NKAIN2: variants seen among roughly 807,000 people sequenced by gnomAD.
The protein encoded by NKAIN2 is sodium/potassium-transporting ATPase subunit beta-1-interacting protein 2.
In NKAIN2, 14 loss-of-function variants were observed where a neutral mutation model predicts 32.6. That is an observed-to-expected ratio of 0.43 (90% CI 0.28 to 0.67). NKAIN2 has a LOEUF of 0.67. Among genes scored for constraint, NKAIN2 ranks in the 30% least tolerant of loss-of-function variants. The probability of loss-of-function intolerance (pLI) is 0.17; values close to 1 mark genes in which losing one functional copy is unlikely to be tolerated. For synonymous variants in NKAIN2, 80 were observed against 87.2 expected, an observed-to-expected ratio of 0.92 and a Z score of 0.46; for missense variants, 198 against 258.3, an observed-to-expected ratio of 0.77 and a Z score of 1.60.
chr6:124,570,483 G>A (rs1034654302), intron 3 of NKAIN2, among the ~76,000 whole-genome samples: 8 of 152,110 alleles, frequency 5.3e-5, no homozygotes, highest in African/African-American at 1.7e-4. Flanking sequence ...GTGCAGCCCT[G>A]TGTCTCATCT....
intron 6 of NKAIN2, among the ~76,000 whole-genome samples, chr6:124,821,326 A>T (rs1781387576): frequency 6.6e-6 from 1 of 151,930 alleles, no homozygotes; most frequent in Non-Finnish European, 1.5e-5. Context: ...TAAAATATCT[A>T]CAAGGTTTGT....
In NKAIN2 at chr6:124,718,544, T is replaced by C. The variant is rs73770547; in HGVS notation, c.474+60158T>C. On this transcript the variant is annotated intron_variant, in intron 4 of 6. Transcript: ENST00000368417. ...GGAACAATGTGACTATGAACATTTG[T>C]GTACAACTTTTTGTTCATTGTCTTT... Among the ~76,000 whole-genome samples the C allele has an allele frequency of 8.6e-3, 1,314 of 152,318 alleles. 17 individuals are homozygous for C. Among genetic ancestry groups the C allele is most frequent in the African/African-American group, 0.03 (1,254 of 41,570 alleles).
intron 1 of NKAIN2, among the ~76,000 whole-genome samples, chr6:123,963,686 G>A (rs1777951187): frequency 6.6e-6 from 1 of 152,158 alleles, no homozygotes; most frequent in African/African-American, 2.4e-5. Context: ...AAAGAAAGCA[G>A]ATATTCAAGG....
chr6:123,991,529 G>A (rs978898182), intron 1 of NKAIN2, among the ~76,000 whole-genome samples: 1 of 152,060 alleles, frequency 6.6e-6, no homozygotes, highest in Non-Finnish European at 1.5e-5. Context: ...TAGCAATTTA[G>A]TAAAGTAAGG....
At chr6:124,392,727 G>C (rs1157258033) in intron 3 of NKAIN2, among the ~76,000 whole-genome samples, 2 of 152,090 alleles carry the variant, frequency 1.3e-5, no homozygotes, top group East Asian at 3.8e-4. Flanking sequence ...TTTTTGAAGG[G>C]TAGAACAATT....
intron 3 of NKAIN2, among the ~76,000 whole-genome samples, chr6:124,657,597 A>G (rs953751934): frequency 2.6e-5 from 4 of 152,186 alleles, no homozygotes; most frequent in Admixed American, 1.3e-4. Context: ...ATTATGACCA[A>G]TTTCACAAAA....
At chr6:124,595,745 G>T (rs1400118273) in intron 3 of NKAIN2, among the ~76,000 whole-genome samples, 1 of 152,126 alleles carries the variant, frequency 6.6e-6, no homozygotes, top group Non-Finnish European at 1.5e-5. Context: ...ATTACTTATT[G>T]AGATATTCTC....
At chr6:123,941,735 T>C (rs568442565) in intron 1 of NKAIN2, among the ~76,000 whole-genome samples, 4 of 152,112 alleles carry the variant, frequency 2.6e-5, no homozygotes, top group African/African-American at 9.6e-5. Context: ...TTGCTCTGCT[T>C]CGGGGTTCAG....
intron 3 of NKAIN2, among the ~76,000 whole-genome samples, chr6:124,465,548 G>A (rs1776712889): frequency 6.6e-6 from 1 of 151,168 alleles, no homozygotes; most frequent in South Asian, 2.1e-4. Context: ...GTTGATGGGT[G>A]CAGCAAACCA....
chr6:124,015,096 T>C (rs1389004771), intron 1 of NKAIN2, among the ~76,000 whole-genome samples: 1 of 152,208 alleles, frequency 6.6e-6, no homozygotes, highest in Non-Finnish European at 1.5e-5. Context: ...AGATCACAAC[T>C]AGTAGAGTGT....
chr6:124,228,537 T>G (rs990483720), intron 1 of NKAIN2, among the ~76,000 whole-genome samples: 1 of 152,140 alleles, frequency 6.6e-6, no homozygotes. Context: ...ACACTGGGGG[T>G]TAGGGATTCA....
chr6:123,812,726 G>T (rs1176517305), intron 1 of NKAIN2, among the ~76,000 whole-genome samples: 2 of 152,150 alleles, frequency 1.3e-5, no homozygotes, highest in Non-Finnish European at 2.9e-5. Context: ...CTACATATTT[G>T]CCTTAGGCGG....
chr6:123,810,366 C>G (rs920377836), intron 1 of NKAIN2, among the ~76,000 whole-genome samples: 3 of 151,862 alleles, frequency 2.0e-5, no homozygotes, highest in African/African-American at 7.3e-5. Flanking sequence ...CCTTAGTGAC[C>G]CATTAGTCAA....
At chr6:124,392,003 A>G (rs143601383) in intron 3 of NKAIN2, among the ~76,000 whole-genome samples, 5 of 152,260 alleles carry the variant, frequency 3.3e-5, no homozygotes, top group African/African-American at 1.2e-4. Flanking sequence ...AATTCACCTG[A>G]TATAACACAT....
chr6:124,711,484 A>G (rs1775454625), intron 4 of NKAIN2, among the ~76,000 whole-genome samples: 1 of 151,164 alleles, frequency 6.6e-6, no homozygotes, highest in African/African-American at 2.4e-5. Context: ...GTCTTTTCAC[A>G]TAGTCCCATA....
At chr6:124,063,913 T>C (rs1195131291) in intron 1 of NKAIN2, among the ~76,000 whole-genome samples, 1 of 152,106 alleles carries the variant, frequency 6.6e-6, no homozygotes, top group Non-Finnish European at 1.5e-5. Context: ...TGTGTAGTTA[T>C]TTATACTGTA....
chr6:123,917,136 C>T (rs1051440222), intron 1 of NKAIN2, among the ~76,000 whole-genome samples: 2 of 152,078 alleles, frequency 1.3e-5, no homozygotes, highest in Admixed American at 6.6e-5. Flanking sequence ...TCTTAGAACC[C>T]CTTTCTCTGA....
chr6:124,265,860 A>G (rs1794471732), intron 1 of NKAIN2, among the ~76,000 whole-genome samples: 1 of 152,250 alleles, frequency 6.6e-6, no homozygotes, highest in African/African-American at 2.4e-5. Context: ...GCTCACCTGT[A>G]GCCAGGGGAC....
intron 1 of NKAIN2, among the ~76,000 whole-genome samples, chr6:123,850,351 A>AT (rs34096841): frequency 3.3e-4 from 35 of 105,496 alleles, no homozygotes; most frequent in Middle Eastern, 9.3e-3. Context: ...TGAAAAAAAA[A>AT]AAAAATATAT....
Sources: allele counts gnomAD v4.1 joint callset (sites outside exome capture counted in the v4.1 genomes callset), GRCh38; gene constraint gnomAD v4.1.1; transcripts MANE v1.5; gene names NCBI Gene and HGNC (gene_info 2026-07-23, HGNC 2026-07-21).